TBC1D1: variants seen among roughly 807,000 people sequenced by gnomAD.
TBC1D1 encodes TBC1 (tre-2/USP6, BUB2, cdc16) domain family, member 1.
A neutral mutation model predicts 125.6 loss-of-function variants in TBC1D1; 89 were observed. The observed-to-expected ratio is 0.71, with a 90% CI of 0.60 to 0.85. The LOEUF is 0.85. Ranked by LOEUF, TBC1D1 falls within the 40% of genes least tolerant of loss-of-function variation. TBC1D1 has a pLI of 0.00. For missense variants in TBC1D1, 1,377 were observed against 1,469.2 expected, an observed-to-expected ratio of 0.94 and a Z score of 1.03; for synonymous variants, 565 against 564.1, an observed-to-expected ratio of 1.00 and a Z score of -0.02.
chr4:38,024,873 T>C (rs752531093), intron 6 of TBC1D1, among the ~76,000 whole-genome samples: 11 of 152,310 alleles, frequency 7.2e-5, no homozygotes, highest in Middle Eastern at 3.4e-3. Context: ...CTTAAAAGAC[T>C]ATGTTTTCTT....
In TBC1D1 at chr4:38,124,973, C is replaced by A; in HGVS notation, c.2974C>A (p.Leu992Ile). ...CTGTGTTTTCTCAGATATGATTTTT[C>A]TTCAGGGAACAGAGGTCATATTTAA... The change falls in exon 18 of 20, where the codon CTT becomes ATT. Residue 992 changes from leucine to isoleucine, a missense_variant. Leu to Ile is a conservative substitution (Grantham distance 5). Transcript: ENST00000261439. 6.2e-7 allele frequency: 1 copy of A among 1,612,566 alleles called. No individual in the cohort carries two copies. Among genetic ancestry groups the A allele is most frequent in the Non-Finnish European group, 8.5e-7 (1 of 1,179,564 alleles).
chr4:38,032,467 TTCGATTC>T (rs1207194237), intron 7 of TBC1D1, among the ~76,000 whole-genome samples: 1 of 152,216 alleles, frequency 6.6e-6, no homozygotes, highest in African/African-American at 2.4e-5. Context: ...TGTTACCCAA[TTCGATTC>T]CCCATTATTT....
intron 2 of TBC1D1, among the ~76,000 whole-genome samples, chr4:38,013,703 G>C (rs1742006069): frequency 6.6e-6 from 1 of 152,210 alleles, no homozygotes; most frequent in Non-Finnish European, 1.5e-5. Context: ...ATGATGAGAG[G>C]ATGTAGCAGT....
intron 2 of TBC1D1, among the ~76,000 whole-genome samples, chr4:37,916,502 A>G (rs1162499508): frequency 6.6e-6 from 1 of 152,144 alleles, no homozygotes; most frequent in Non-Finnish European, 1.5e-5. Flanking sequence ...TGTTTGGGCA[A>G]GAACATCATC....
intron 13 of TBC1D1, among the ~76,000 whole-genome samples, chr4:38,092,471 CT>C (rs1204640411): frequency 6.6e-6 from 1 of 152,078 alleles, no homozygotes; most frequent in African/African-American, 2.4e-5. Flanking sequence ...TGGCTCACTC[CT>C]GTAATCCCAG....
chr4:37,937,565 G>T (rs1724643274), intron 2 of TBC1D1, among the ~76,000 whole-genome samples: 1 of 152,066 alleles, frequency 6.6e-6, no homozygotes, highest in Non-Finnish European at 1.5e-5. Context: ...TAAATTACAA[G>T]CTCCCTATAA....
intron 12 of TBC1D1, among the ~76,000 whole-genome samples, chr4:38,059,031 A>T (rs571116644): frequency 1.3e-5 from 2 of 152,326 alleles, no homozygotes; most frequent in Non-Finnish European, 2.9e-5. Context: ...CCTCTTGTTT[A>T]CTCAGGGATG....
chr4:38,079,868 C>G (rs1251036904), intron 12 of TBC1D1, among the ~76,000 whole-genome samples: 1 of 152,146 alleles, frequency 6.6e-6, no homozygotes, highest in African/African-American at 2.4e-5. Context: ...TGTCACATAA[C>G]GTGAAATATC....
At chr4:37,953,910 C>T (rs1295105781) in intron 2 of TBC1D1, among the ~76,000 whole-genome samples, 12 of 152,104 alleles carry the variant, frequency 7.9e-5, no homozygotes, top group Admixed American at 7.9e-4. Context: ...TGCCAGGGAG[C>T]CCGTTATTAA....
rs574950619 is a variant in TBC1D1, at chr4:38,084,135, C to T, written c.2051-5797C>T. ...TGTATTAGTAGAGACGGGGTTTCAC[C>T]GTGTTAGCCAGGATGGTCTCGATCT... On this transcript the variant is annotated intron_variant, in intron 12 of 19. Coordinates refer to ENST00000261439, the MANE Select transcript of TBC1D1 (RefSeq NM_015173.4). Among the ~76,000 whole-genome samples the T allele has an allele frequency of 3.3e-5, 5 of 152,164 alleles. No homozygotes were observed. In the East Asian group the frequency reaches 7.8e-4, roughly 24 times the overall value.
chr4:37,996,807 C>T (rs187307101), intron 2 of TBC1D1, among the ~76,000 whole-genome samples: 10 of 152,286 alleles, frequency 6.6e-5, no homozygotes, highest in African/African-American at 2.4e-4. Context: ...GTGGCTGGGC[C>T]ACACTGTACA....
rs112261209 is a variant in TBC1D1 at position 38,020,598 on chromosome 4, G to A, written c.980G>A (p.Arg327Lys). Residue 327 changes from arginine (R) to lysine (K), a missense_variant, in exon 5 of 20, where the codon AGA (arginine) becomes AAA (lysine). Arg to Lys is a conservative substitution (Grantham distance 26). This residue lies in a region of TBC1D1 where 822 missense variants were observed against 824.6 expected (regional missense o/e 1.00). Transcript: ENST00000261439. ...GTTCTCTCCCTTTGGCAGGGCATCA[G>A]ACACGTGGACCACTTTGGGTTTATC... 19,921 of 1,612,606 alleles carry A rather than the reference G, an allele frequency of 0.012. 163 individuals carry two copies. The highest frequency in any genetic ancestry group is 0.016 in the Non-Finnish European group (18,616 of 1,178,998).
intron 17 of TBC1D1, among the ~76,000 whole-genome samples, chr4:38,123,023 TCTC>T (rs1764107279): frequency 6.6e-6 from 1 of 152,218 alleles, no homozygotes; most frequent in Admixed American, 6.5e-5. Flanking sequence ...TCTCAGAAGA[TCTC>T]CTGTTAACCT....
chr4:37,896,351 G>C (rs536635008), intron 1 of TBC1D1, among the ~76,000 whole-genome samples: 62 of 152,198 alleles, frequency 4.1e-4, no homozygotes, highest in Middle Eastern at 6.8e-3. Context: ...GGAACAAAGG[G>C]GGTTCCCAAT....
intron 1 of TBC1D1, among the ~76,000 whole-genome samples, chr4:37,891,773 G>A (rs1386786665): frequency 6.6e-6 from 1 of 150,868 alleles, no homozygotes; most frequent in Non-Finnish European, 1.5e-5. Flanking sequence ...AGTAACTTTG[G>A]CAGCTCCACC....
At chr4:37,891,535 A>ACCCCCCCCCCCCCC (rs1371011607) in intron 1 of TBC1D1, among the ~76,000 whole-genome samples, 187 bp downstream of exon 1, 1 of 19,954 alleles carries the variant, frequency 5.0e-5, no homozygotes, top group Admixed American at 5.0e-4. Context: ...TGCCCCCCTT[A>ACCCCCCCCCCCCCC]CCCCCCCACC....
intron 2 of TBC1D1, among the ~76,000 whole-genome samples, chr4:37,915,369 AGTGGT>A (rs751635420): frequency 5.9e-5 from 9 of 152,206 alleles, no homozygotes; most frequent in Non-Finnish European, 1.0e-4. Flanking sequence ...CAGGTAAGCC[AGTGGT>A]GTAGTTCAAA....
intron 12 of TBC1D1, among the ~76,000 whole-genome samples, chr4:38,079,906 A>G (rs1470870233): frequency 2.0e-5 from 3 of 152,234 alleles, no homozygotes; most frequent in Non-Finnish European, 4.4e-5. Flanking sequence ...ATGTAAAGTA[A>G]GTGGCTAAAA....
intron 12 of TBC1D1, among the ~76,000 whole-genome samples, chr4:38,057,803 T>G (rs1221384561): frequency 6.6e-6 from 1 of 152,182 alleles, no homozygotes; most frequent in Non-Finnish European, 1.5e-5. Context: ...GGGAGTGGCT[T>G]AAATCACTTT....
Sources: allele counts gnomAD v4.1 joint callset (sites outside exome capture counted in the v4.1 genomes callset), GRCh38; gene constraint gnomAD v4.1.1; regional missense constraint gnomAD v4.1.1; transcripts MANE v1.5; gene names NCBI Gene and HGNC (gene_info 2026-07-23, HGNC 2026-07-21).